The following RRBP1 variants were observed in gnomAD, a reference collection of about 807,000 sequenced individuals.
RRBP1 encodes ribosome binding protein 1.
A neutral mutation model predicts 165.2 loss-of-function variants in RRBP1; 94 were observed. That is an observed-to-expected ratio of 0.57 (90% CI 0.48 to 0.68). RRBP1 has a LOEUF of 0.68. Ranked by LOEUF, RRBP1 falls within the 30% of genes least tolerant of loss-of-function variation. The pLI, the probability that RRBP1 is intolerant of heterozygous loss-of-function variation, is 0.00. For missense variants in RRBP1, 1,676 were observed against 1,763.0 expected (o/e 0.95, Z 0.88); for synonymous variants, 680 against 714.5 (o/e 0.95, Z 0.77).
intron 18 of RRBP1, 24 bp from the exon 19 acceptor site, chr20:17,619,752 C>A: frequency 6.5e-7 from 1 of 1,547,902 alleles, no homozygotes; most frequent in Non-Finnish European, 8.8e-7. Context: ...CAGACACGCA[C>A]ACGCATGCGC....
At chr20:17,673,138 A>T (rs779931080) in intron 2 of RRBP1, among the ~76,000 whole-genome samples, 1 of 152,230 alleles carries the variant, frequency 6.6e-6, no homozygotes, top group Non-Finnish European at 1.5e-5. Context: ...TAAAGAGTTT[A>T]AAATGTGTGT....
intron 1 of RRBP1, among the ~76,000 whole-genome samples, chr20:17,681,577 C>G (rs1251671453): frequency 6.8e-6 from 1 of 147,378 alleles, no homozygotes; most frequent in African/African-American, 2.5e-5. Context: ...CGGACTCCAG[C>G]CCGGCAACGT....
At chr20:17,639,832 G>T (rs1317386838) in intron 5 of RRBP1, among the ~76,000 whole-genome samples, 1 of 149,766 alleles carries the variant, frequency 6.7e-6, no homozygotes, top group East Asian at 2.0e-4. Flanking sequence ...GGCGGAGGTT[G>T]CAGTGAGCCA....
rs1600726161 is a variant in RRBP1 at position 17,620,293 on chromosome 20, A to G, written c.3579+6T>C. On this transcript the variant is annotated splice_donor_region_variant and intron_variant, in intron 18 of 24. Coordinates refer to ENST00000377813, the MANE Select transcript of RRBP1 (RefSeq NM_001365613.2). The stretch of plus-strand genomic sequence containing the variant: ...AGAGAAAGAGTTCTCTGAGCAGAGC[A>G]CATACCTGGTCCGAACTTTCAAGTT... 6.2e-7 allele frequency: 1 copy of G among 1,608,120 alleles called. No individual in the cohort carries two copies. Among genetic ancestry groups the G allele is most frequent in the Non-Finnish European group, 8.5e-7 (1 of 1,174,578 alleles).
chr20:17,665,961 C>T (rs1008830646), intron 2 of RRBP1, among the ~76,000 whole-genome samples: 1 of 152,156 alleles, frequency 6.6e-6, no homozygotes, highest in Non-Finnish European at 1.5e-5. Context: ...TTCCTTCCCC[C>T]ACAGACTCAG....
rs2036249844 is a variant in RRBP1 at position 17,636,440 on chromosome 20, AC to A, written c.2337+136del. The A allele has an allele frequency of 3.6e-5, 37 of 1,030,934 alleles. No homozygotes were observed. In the Middle Eastern group the frequency reaches 1.5e-3, roughly 40 times the overall value. The allele number at this position is 1,030,934 out of a possible 1,614,324, so 63.9% of individuals were successfully genotyped here. On this transcript the variant is annotated intron_variant, in intron 6 of 24. Transcript: ENST00000377813. The stretch of plus-strand genomic sequence containing the variant: ...AACAGCCCCTGGACTCCTAAACCTG[AC>A]CAGACCTTACAGACCCCTGTGGGCA...
At chr20:17,678,832 G>C (rs1173743884) in intron 2 of RRBP1, among the ~76,000 whole-genome samples, 1 of 152,174 alleles carries the variant, frequency 6.6e-6, no homozygotes, top group Non-Finnish European at 1.5e-5. Flanking sequence ...TTTCAGGCAA[G>C]AACTAGGTCT....
intron 5 of RRBP1, among the ~76,000 whole-genome samples, chr20:17,639,297 C>T (rs1436291840): frequency 2.0e-5 from 3 of 152,230 alleles, no homozygotes; most frequent in Non-Finnish European, 2.9e-5. Flanking sequence ...GCTGGGACTT[C>T]GCACATTTGG....
At chr20:17,675,522 G>A (rs2037063268) in intron 2 of RRBP1, among the ~76,000 whole-genome samples, 2 of 141,632 alleles carry the variant, frequency 1.4e-5, no homozygotes, top group African/African-American at 5.1e-5. Flanking sequence ...GTGATGAAGA[G>A]AAAGTGATGC....
intron 2 of RRBP1, among the ~76,000 whole-genome samples, chr20:17,671,759 G>A (rs571826175): frequency 6.6e-6 from 1 of 152,220 alleles, no homozygotes; most frequent in South Asian, 2.1e-4. Flanking sequence ...AAGGCCCCCG[G>A]GGTTGTCCTT....
intron 1 of RRBP1, among the ~76,000 whole-genome samples, chr20:17,681,638 G>A (rs2037190969): frequency 6.8e-6 from 1 of 147,718 alleles, no homozygotes; most frequent in African/African-American, 2.5e-5. Flanking sequence ...GCTGTGCGCC[G>A]CCCCGCCCCG....
chr20:17,655,996 G>A (rs2036638776), intron 3 of RRBP1, among the ~76,000 whole-genome samples: 1 of 152,114 alleles, frequency 6.6e-6, no homozygotes, highest in South Asian at 2.1e-4. Context: ...AAGATCCTGG[G>A]TGATTCATCT....
rs151165853 is a variant in RRBP1, at chr20:17,618,653, T to C, written c.3702A>G (p.Gln1234=). The change falls in exon 20 of 25, where the codon CAA becomes CAG. Residue 1234 remains glutamine (Q), a synonymous_variant. Transcript: ENST00000377813. ...AGLRQLLLES[Q]SQLDAAKSEA... ...CGCTCTTGGCGGCATCGAGCTGAGA[T>C]TGAGATTCTAGGAGAAGTTGCCTCA... The C allele has an allele frequency of 2.7e-4, 434 of 1,613,876 alleles. 3 individuals carry two copies. The African/African-American group carries it at 5.2e-3, about 19-fold the overall frequency.
intron 3 of RRBP1, among the ~76,000 whole-genome samples, chr20:17,645,852 T>C (rs948141693): frequency 3.9e-5 from 6 of 152,170 alleles, no homozygotes; most frequent in Admixed American, 3.9e-4. Context: ...CAGGGTGCAG[T>C]GAATGCTGGA....
Position 17,659,281 on chromosome 20 carries a change from G to A in RRBP1, c.1227C>T (p.Gly409=). The A allele has an allele frequency of 6.5e-7, 1 of 1,538,562 alleles. No homozygotes were observed. Among genetic ancestry groups the A allele is most frequent in the East Asian group, 2.5e-5 (1 of 40,194 alleles). ...GKKAEGAQNQ[G]KKAEGAQNQG... is the part of the protein sequence containing the mutation. ...GATTCTGGGCCCCCTCGGCCTTTTTGCCCTGGTTCTGGGCACCCTCAGCCT... is the reference window on the plus strand; with the variant it reads ...GATTCTGGGCCCCCTCGGCCTTTTTACCCTGGTTCTGGGCACCCTCAGCCT... Residue 409 remains glycine, a synonymous_variant, in exon 3 of 25, where the codon GGC becomes GGT. Transcript: ENST00000377813.
chr20:17,634,281 C>T (rs1325329021), intron 7 of RRBP1, among the ~76,000 whole-genome samples: 8 of 152,230 alleles, frequency 5.3e-5, no homozygotes, highest in African/African-American at 1.9e-4. Flanking sequence ...CACCACCAGA[C>T]GAGACTGTCC....
intron 6 of RRBP1, among the ~76,000 whole-genome samples, chr20:17,636,019 T>C (rs572718991): frequency 6.6e-6 from 1 of 152,192 alleles, no homozygotes; most frequent in Non-Finnish European, 1.5e-5. Flanking sequence ...CTAACCCCCC[T>C]GAGGAAGCCT....
intron 19 of RRBP1, 30 bp from the exon 20 acceptor site, chr20:17,618,709 G>A (rs1555811651): frequency 1.3e-6 from 2 of 1,547,214 alleles, no homozygotes; most frequent in South Asian, 2.2e-5. Context: ...CGGGTGATGG[G>A]AAAAAAGGAG....
In RRBP1 at chr20:17,660,207, G is replaced by C. The variant is rs745522355; in HGVS notation, c.301C>G (p.Arg101Gly). Residue 101 changes from arginine (R) to glycine (G), a missense_variant, in exon 3 of 25, where the codon CGG (arginine) becomes GGG (glycine). Arg to Gly is a moderately radical substitution (Grantham distance 125, BLOSUM62 -2). This residue lies in a region of RRBP1 where 392 missense variants were observed against 382.5 expected (regional missense o/e 1.02). Coordinates refer to ENST00000377813, the MANE Select transcript of RRBP1 (RefSeq NM_001365613.2). ...GGAGCCACAGCCACAGCAGGAGCCC[G>C]CACTGGTTCTCGAAGGAGGACAGTC... Reference protein sequence around the residue: ...NVTVLLREPVRAPAVAVAPTP... With the variant: ...NVTVLLREPVGAPAVAVAPTP... The C allele has an allele frequency of 6.2e-7, 1 of 1,613,826 alleles. No homozygotes were observed. The highest frequency in any genetic ancestry group is 8.5e-7 in the Non-Finnish European group (1 of 1,179,868).
Sources: gnomAD v4.1 joint callset for allele counts (sites outside exome capture counted in the v4.1 genomes callset) on GRCh38, gnomAD v4.1.1 for gene constraint, gnomAD v4.1.1 regional missense constraint, MANE v1.5 for transcripts, NCBI Gene and HGNC (gene_info 2026-07-23, HGNC 2026-07-21) for gene names.